CYRIB: variants seen among roughly 807,000 people sequenced by gnomAD.
The protein encoded by CYRIB is CYFIP related Rac1 interactor B, also known as CYFIP-related Rac1 interactor B.
Under a neutral mutation model 44.2 loss-of-function variants are expected in CYRIB, and 8 were observed. The observed-to-expected ratio is 0.18, with a 90% confidence interval of 0.11 to 0.33. CYRIB has a LOEUF of 0.33. CYRIB is among the 10% of genes least tolerant of loss of function. The pLI is 1.00. For missense variants in CYRIB, 185 were observed against 382.8 expected, an observed-to-expected ratio of 0.48 and a Z score of 4.31; for synonymous variants, 131 against 127.2, an observed-to-expected ratio of 1.03 and a Z score of -0.20.
At chr8:129,988,735 C>T (rs537599504) in intron 1 of CYRIB, among the ~76,000 whole-genome samples, 1 of 152,236 alleles carries the variant, frequency 6.6e-6, no homozygotes, top group Admixed American at 6.5e-5. Context: ...CAGAAAGAGG[C>T]TGAGTTCAAT....
intron 2 of CYRIB, among the ~76,000 whole-genome samples, chr8:129,889,792 T>C (rs1346504497): frequency 6.6e-6 from 1 of 152,022 alleles, no homozygotes; most frequent in African/African-American, 2.4e-5. Context: ...GAAAATGGTT[T>C]CTTTCCTTTT....
At chr8:129,971,554 C>G (rs1375112323) in intron 1 of CYRIB, among the ~76,000 whole-genome samples, 2 of 152,146 alleles carry the variant, frequency 1.3e-5, no homozygotes, top group Non-Finnish European at 2.9e-5. Context: ...AAGACCTAAA[C>G]CAAACTCCTA....
At chr8:129,922,752 A>C (rs1195593257) in intron 1 of CYRIB, among the ~76,000 whole-genome samples, 1 of 151,756 alleles carries the variant, frequency 6.6e-6, no homozygotes, top group East Asian at 1.9e-4. Context: ...AGTCCCAGCT[A>C]CTCGGGAGGC....
intron 2 of CYRIB, chr8:129,970,657 G>A (rs2095657598): frequency 6.6e-6 from 1 of 152,102 alleles, no homozygotes; most frequent in Non-Finnish European, 1.5e-5. Flanking sequence ...AAAGTGTTGG[G>A]ATTACAGGTG....
At chr8:129,843,310 G>A (rs939251053) in intron 11 of CYRIB, among the ~76,000 whole-genome samples, 2 of 152,194 alleles carry the variant, frequency 1.3e-5, no homozygotes, top group African/African-American at 4.8e-5. Context: ...TATTAAGCAG[G>A]AGAGGGGTGT....
rs115909640 is a variant in CYRIB at position 129,930,490 on chromosome 8, G to A, written c.-50+9118C>T. The stretch of plus-strand genomic sequence containing the variant: ...ACTGTTTTTAAAAGTTGCTTATAAG[G>A]CATGAACAATGAAAATCTGCTAAAA... On this transcript the variant is annotated intron_variant, in intron 1 of 11. Coordinates refer to ENST00000519824, the Ensembl canonical transcript of CYRIB. Among the ~76,000 whole-genome samples, 91 of 148,940 alleles carry A rather than the reference G, an allele frequency of 6.1e-4. 1 individual carries two copies. Among genetic ancestry groups the A allele is most frequent in the Middle Eastern group, 3.4e-3 (1 of 290 alleles).
In CYRIB at chr8:129,865,344, G is replaced by A. The variant is rs567654777; in HGVS notation, c.196-3010C>T. Reference sequence around the variant, plus strand: ...TGATTAATCTTACAGCTTTATTGGGGTGATGGCAACACTGTGCTGGTTTAC... The same window carrying A: ...TGATTAATCTTACAGCTTTATTGGGATGATGGCAACACTGTGCTGGTTTAC... On this transcript the variant is annotated intron_variant, in intron 4 of 11. Coordinates refer to ENST00000519824, the Ensembl canonical transcript of CYRIB. Among the ~76,000 whole-genome samples, 259 of 152,290 alleles carry A rather than the reference G, an allele frequency of 1.7e-3. 4 individuals carry two copies. Among genetic ancestry groups the A allele is most frequent in the Middle Eastern group, 6.8e-3 (2 of 294 alleles).
At chr8:130,015,028 C>T (rs2097309494) in intron 1 of CYRIB, among the ~76,000 whole-genome samples, 1 of 152,208 alleles carries the variant, frequency 6.6e-6, no homozygotes, top group Non-Finnish European at 1.5e-5. Context: ...GTGCAATCTT[C>T]CAAGAATGGG....
intron 1 of CYRIB, among the ~76,000 whole-genome samples, chr8:129,931,149 TAAAAAA>T: frequency 7.0e-6 from 1 of 143,658 alleles, no homozygotes; most frequent in African/African-American, 2.5e-5. Context: ...CCTACTCCCC[TAAAAAA>T]AAAAAGAAAG....
At chr8:129,861,022 G>A (rs1190559598) in intron 5 of CYRIB, among the ~76,000 whole-genome samples, 3 of 151,914 alleles carry the variant, frequency 2.0e-5, no homozygotes, top group Non-Finnish European at 4.4e-5. Context: ...TATACCCCCT[G>A]GTTTCTGGCT....
At chr8:129,843,624 A>G (rs1240981852) in intron 11 of CYRIB, among the ~76,000 whole-genome samples, 1 of 152,152 alleles carries the variant, frequency 6.6e-6, no homozygotes, top group East Asian at 1.9e-4. Flanking sequence ...TTGGCCTTCA[A>G]TTCCTGGGCT....
chr8:129,995,659 A>T (rs2096748218), intron 1 of CYRIB, among the ~76,000 whole-genome samples: 1 of 152,202 alleles, frequency 6.6e-6, no homozygotes, highest in Non-Finnish European at 1.5e-5. Flanking sequence ...GGAGGGTTAG[A>T]GGTTAGTGAT....
chr8:129,869,980 G>C (rs534098501), intron 4 of CYRIB, among the ~76,000 whole-genome samples: 72 of 151,794 alleles, frequency 4.7e-4, no homozygotes, highest in Non-Finnish European at 9.0e-4. Flanking sequence ...TGGGGGGGTG[G>C]GGGGAGGGGG....
At chr8:129,999,052 A>G (rs571546411) in intron 1 of CYRIB, among the ~76,000 whole-genome samples, 2 of 152,192 alleles carry the variant, frequency 1.3e-5, no homozygotes, top group East Asian at 1.9e-4. Flanking sequence ...GCATCTATTC[A>G]TAGCCGTCTG....
chr8:129,937,273 C>A (rs1462630177), intron 1 of CYRIB, among the ~76,000 whole-genome samples: 1 of 152,174 alleles, frequency 6.6e-6, no homozygotes, highest in East Asian at 1.9e-4. Context: ...CTATTATAGT[C>A]TTGTTTTCCT....
intron 1 of CYRIB, among the ~76,000 whole-genome samples, chr8:130,001,821 T>G (rs1231134861): frequency 6.6e-6 from 1 of 152,188 alleles, no homozygotes; most frequent in East Asian, 1.9e-4. Flanking sequence ...GGTACTGGTA[T>G]GTGGATGTCT....
intron 1 of CYRIB, among the ~76,000 whole-genome samples, chr8:129,912,872 T>TA (rs1327373996): frequency 6.6e-6 from 1 of 152,086 alleles, no homozygotes; most frequent in Non-Finnish European, 1.5e-5. Context: ...GTGTGTTCTC[T>TA]ACTGCTGTTA....
At chr8:129,849,588 G>T in intron 9 of CYRIB, 1 of 397,656 alleles carries the variant, frequency 2.5e-6, no homozygotes, top group Non-Finnish European at 4.5e-6. Context: ...ATTCTTTAAT[G>T]AGGTGATTCA....
At chr8:129,961,817 A>C (rs2095269839) in intron 2 of CYRIB, among the ~76,000 whole-genome samples, 1 of 152,216 alleles carries the variant, frequency 6.6e-6, no homozygotes, top group Non-Finnish European at 1.5e-5. Context: ...AATACCAGGC[A>C]ATGCAAGGGG....
Sources: allele counts gnomAD v4.1 joint callset (sites outside exome capture counted in the v4.1 genomes callset), GRCh38; gene constraint gnomAD v4.1.1; transcripts MANE v1.5; gene names NCBI Gene and HGNC (gene_info 2026-07-23, HGNC 2026-07-21).